Variants in CACNA2D3 observed in about 807,000 individuals in gnomAD.
The protein encoded by CACNA2D3 is voltage-dependent calcium channel subunit alpha-2/delta-3.
CACNA2D3 carries 60 observed loss-of-function variants against 160.6 expected under a neutral mutation model. That is an observed-to-expected ratio of 0.37 (90% confidence interval 0.30 to 0.46). CACNA2D3 has a LOEUF of 0.46. Ranked by LOEUF, CACNA2D3 falls within the 20% of genes least tolerant of loss-of-function variation. The probability of loss-of-function intolerance (pLI) is 1.00; values close to 1 mark genes in which losing one functional copy is unlikely to be tolerated. For missense variants in CACNA2D3, 1,205 were observed against 1,365.0 expected, an observed-to-expected ratio of 0.88 and a Z score of 1.85; for synonymous variants, 558 against 492.9, an observed-to-expected ratio of 1.13 and a Z score of -1.75.
chr3:54,522,794 G>A (rs1281304886), intron 5 of CACNA2D3, among the ~76,000 whole-genome samples: 1 of 152,100 alleles, frequency 6.6e-6, no homozygotes, highest in Non-Finnish European at 1.5e-5. Flanking sequence ...ATTCATGAGG[G>A]CAGAGACCTC....
intron 11 of CACNA2D3, among the ~76,000 whole-genome samples, chr3:54,689,809 C>A (rs987770822): frequency 3.9e-5 from 6 of 152,050 alleles, no homozygotes; most frequent in Non-Finnish European, 8.8e-5. Context: ...TCTTTGACAC[C>A]CCTTCCCCTA....
At chr3:55,053,966 T>C (rs572078427) in intron 35 of CACNA2D3, among the ~76,000 whole-genome samples, 1 of 152,030 alleles carries the variant, frequency 6.6e-6, no homozygotes, top group Admixed American at 6.5e-5. Flanking sequence ...TTTCTGCTTG[T>C]TCATCCTCTT....
At chr3:54,894,026 A>T (rs1276102695) in intron 25 of CACNA2D3, among the ~76,000 whole-genome samples, 1 of 152,088 alleles carries the variant, frequency 6.6e-6, no homozygotes. Flanking sequence ...CAACCCTGGT[A>T]AAGTGCAGCG....
chr3:54,141,103 G>A (rs1419837708), intron 2 of CACNA2D3, among the ~76,000 whole-genome samples: 15 of 130,014 alleles, frequency 1.2e-4, no homozygotes, highest in East Asian at 3.9e-4. Flanking sequence ...GCGCGCGTGT[G>A]TGCATGCATG....
chr3:55,030,775 T>C (rs1379265510), intron 35 of CACNA2D3, among the ~76,000 whole-genome samples: 2 of 152,158 alleles, frequency 1.3e-5, no homozygotes, highest in Non-Finnish European at 2.9e-5. Flanking sequence ...GATTACAACT[T>C]TGAGGATCCA....
intron 13 of CACNA2D3, among the ~76,000 whole-genome samples, chr3:54,810,065 G>A (rs537002393): frequency 1.6e-4 from 24 of 152,326 alleles, no homozygotes; most frequent in Non-Finnish European, 2.6e-4. Context: ...GAGATCTGAC[G>A]CATGGGTAGG....
intron 11 of CACNA2D3, among the ~76,000 whole-genome samples, chr3:54,680,901 C>T (rs1700333812): frequency 6.6e-6 from 1 of 152,182 alleles, no homozygotes; most frequent in South Asian, 2.1e-4. Flanking sequence ...AGCACTCACT[C>T]TGTGTGCCAA....
chr3:54,747,235 C>T (rs190016062), intron 11 of CACNA2D3, among the ~76,000 whole-genome samples: 1 of 152,028 alleles, frequency 6.6e-6, no homozygotes, highest in Non-Finnish European at 1.5e-5. Flanking sequence ...TTCTGAACCT[C>T]GGGAGGGTGG....
chr3:54,975,521 CAAAAA>C (rs55819960), intron 29 of CACNA2D3, among the ~76,000 whole-genome samples: 3 of 77,776 alleles, frequency 3.9e-5, no homozygotes, highest in Admixed American at 1.3e-4. Context: ...ACTTGGTCTC[CAAAAA>C]AAAAAAAAAA....
intron 2 of CACNA2D3, among the ~76,000 whole-genome samples, chr3:54,255,490 G>T (rs189019264): frequency 1.3e-5 from 2 of 152,268 alleles, no homozygotes; most frequent in Non-Finnish European, 1.5e-5. Flanking sequence ...TATTTTGAAA[G>T]AATTTGGTGT....
chr3:54,246,650 G>C (rs1317604985), intron 2 of CACNA2D3, among the ~76,000 whole-genome samples: 4 of 151,810 alleles, frequency 2.6e-5, no homozygotes, highest in Non-Finnish European at 5.9e-5. Flanking sequence ...CTTGAACCTG[G>C]GAGACGGAGG....
chr3:54,238,463 A>G (rs960256054), intron 2 of CACNA2D3, among the ~76,000 whole-genome samples: 2 of 152,224 alleles, frequency 1.3e-5, no homozygotes, highest in African/African-American at 4.8e-5. Flanking sequence ...GCTTATTTTA[A>G]TAGAAAAACT....
At chr3:54,779,552 A>G (rs527864195) in intron 13 of CACNA2D3, among the ~76,000 whole-genome samples, 5 of 152,176 alleles carry the variant, frequency 3.3e-5, no homozygotes, top group Non-Finnish European at 4.4e-5. Flanking sequence ...ACCATGGTCA[A>G]TAGTGCCTCA....
At chr3:54,854,684 G>T (rs368119433) in intron 17 of CACNA2D3, among the ~76,000 whole-genome samples, 1 of 152,164 alleles carries the variant, frequency 6.6e-6, no homozygotes, top group Non-Finnish European at 1.5e-5. Context: ...AGTTCTCATT[G>T]CCTCGTGCGT....
chr3:54,735,661 A>G lies in CACNA2D3; in HGVS notation c.1168-16938A>G, dbSNP rs1345926059. 3.9e-5 allele frequency among the ~76,000 whole-genome samples: 6 copies of G among 152,068 alleles called. No homozygotes were observed. In the South Asian group the frequency reaches 8.3e-4, roughly 21 times the overall value. ...TATGCTTCTACTCTTAAGCATCTGT[A>G]CTTAAGACATGCATGATGTGTTTGC... is the stretch of plus-strand genomic sequence containing the variant. On this transcript the variant is annotated intron_variant, in intron 11 of 37. Coordinates refer to ENST00000474759, the MANE Select transcript of CACNA2D3 (RefSeq NM_018398.3).
At chr3:54,362,675 A>G (rs1039095094) in intron 3 of CACNA2D3, among the ~76,000 whole-genome samples, 15 of 152,278 alleles carry the variant, frequency 9.9e-5, no homozygotes, top group African/African-American at 2.6e-4. Flanking sequence ...CAAAGCAGGG[A>G]TTTGATTACT....
intron 25 of CACNA2D3, among the ~76,000 whole-genome samples, chr3:54,893,784 T>C (rs933854592): frequency 7.3e-5 from 10 of 137,688 alleles, no homozygotes; most frequent in African/African-American, 2.8e-4. Context: ...CCAATAGTTA[T>C]AATACATTCT....
At chr3:54,619,334 G>C (rs894132373) in intron 9 of CACNA2D3, among the ~76,000 whole-genome samples, 3 of 152,186 alleles carry the variant, frequency 2.0e-5, no homozygotes, top group African/African-American at 7.2e-5. Flanking sequence ...TGGAGGGGCT[G>C]TTCCACTTTA....
chr3:54,155,796 A>G (rs1700234026), intron 2 of CACNA2D3, among the ~76,000 whole-genome samples: 1 of 152,212 alleles, frequency 6.6e-6, no homozygotes, highest in Non-Finnish European at 1.5e-5. Context: ...CCGTGGGGCC[A>G]TTGAGGAAGG....
Sources: gnomAD v4.1 joint callset for allele counts (sites outside exome capture counted in the v4.1 genomes callset) on GRCh38, gnomAD v4.1.1 for gene constraint, MANE v1.5 for transcripts, NCBI Gene and HGNC (gene_info 2026-07-23, HGNC 2026-07-21) for gene names.